DLG2: variants seen among roughly 807,000 people sequenced by gnomAD.
DLG2 encodes the protein disks large homolog 2.
DLG2 carries 45 observed loss-of-function variants against 132.5 expected under a neutral mutation model. The ratio of observed to expected loss-of-function variants is 0.34; its 90% confidence interval spans 0.27 to 0.44. The LOEUF (loss-of-function observed/expected upper bound fraction) is 0.44. Ranked by LOEUF, DLG2 falls within the 20% of genes least tolerant of loss-of-function variation. The pLI, the probability that DLG2 is intolerant of heterozygous loss-of-function variation, is 1.00. For synonymous variants in DLG2, 424 were observed against 419.6 expected (o/e 1.01, Z -0.13); for missense variants, 1,045 against 1,196.9 (o/e 0.87, Z 1.87).
chr11:84,922,054 G>A (rs527723001), intron 6 of DLG2, among the ~76,000 whole-genome samples: 1 of 151,850 alleles, frequency 6.6e-6, no homozygotes, highest in African/African-American at 2.4e-5. Context: ...GCTTACAAAA[G>A]AGTGAGCAGC....
At chr11:84,739,566 C>G (rs145279131) in intron 6 of DLG2, among the ~76,000 whole-genome samples, 2 of 152,068 alleles carry the variant, frequency 1.3e-5, no homozygotes, top group African/African-American at 4.8e-5. Context: ...AAATGGAAAG[C>G]TGCTAGTGAG....
rs73509296 is a variant in DLG2 at position 83,730,659 on chromosome 11, C to T, written c.1825+56031G>A. Among the ~76,000 whole-genome samples the T allele has an allele frequency of 4.8e-3, 731 of 152,256 alleles. 3 individuals carry two copies. The highest frequency in any genetic ancestry group is 0.013 in the African/African-American group (538 of 41,558). ...TACATTAACAAGCTTTACTAAGTAG[C>T]CTTTATCTGCCATTTATTTGGCTTC... On this transcript the variant is annotated intron_variant, in intron 18 of 27. Coordinates refer to ENST00000376104, the MANE Select transcript of DLG2 (RefSeq NM_001142699.3).
At chr11:84,522,243 T>C (rs2099305193) in intron 7 of DLG2, among the ~76,000 whole-genome samples, 1 of 151,062 alleles carries the variant, frequency 6.6e-6, no homozygotes, top group African/African-American at 2.4e-5. Flanking sequence ...GCAGTGAAAC[T>C]AGAAAATCTC....
Position 83,890,870 on chromosome 11 carries a change from C to T in DLG2, c.1497-16382G>A, listed in dbSNP as rs1196635239. ...TAAGAATGGAATCTGCAGGATATGG[C>T]AATTGCATGTGGTGTGTGAGTGAGG... On this transcript the variant is annotated intron_variant, in intron 15 of 27. Coordinates refer to ENST00000376104, the MANE Select transcript of DLG2 (RefSeq NM_001142699.3). Among the ~76,000 whole-genome samples the T allele has an allele frequency of 2.0e-5, 3 of 152,064 alleles. No individual in the cohort carries two copies. The East Asian group carries it at 5.8e-4, about 29-fold the overall frequency.
intron 18 of DLG2, among the ~76,000 whole-genome samples, chr11:83,745,476 C>A (rs988310134): frequency 1.3e-5 from 2 of 152,092 alleles, no homozygotes; most frequent in African/African-American, 4.8e-5. Flanking sequence ...TGTCCTAGCT[C>A]CTTCCCCTCA....
chr11:85,319,865 T>C (rs1565317204), intron 3 of DLG2, among the ~76,000 whole-genome samples: 1 of 151,896 alleles, frequency 6.6e-6, no homozygotes. Context: ...ACACCATAAA[T>C]TTTATTTCTA....
chr11:83,895,992 A>G (rs539570565), intron 15 of DLG2, among the ~76,000 whole-genome samples: 1 of 152,202 alleles, frequency 6.6e-6, no homozygotes, highest in East Asian at 1.9e-4. Flanking sequence ...ACTCACTTTT[A>G]TCAAGACGAA....
chr11:84,265,453 A>G (rs2097608598), intron 7 of DLG2, among the ~76,000 whole-genome samples: 1 of 152,204 alleles, frequency 6.6e-6, no homozygotes, highest in Non-Finnish European at 1.5e-5. Context: ...GGATCCTTCA[A>G]GTAGCTGAAA....
At chr11:85,251,883 T>C (rs557918437) in intron 4 of DLG2, among the ~76,000 whole-genome samples, 11 of 152,210 alleles carry the variant, frequency 7.2e-5, no homozygotes, top group South Asian at 2.1e-4. Flanking sequence ...TAAATAAATA[T>C]TCACTTTTTA....
intron 6 of DLG2, among the ~76,000 whole-genome samples, chr11:84,852,919 G>C (rs1257004661): frequency 6.6e-6 from 1 of 151,964 alleles, no homozygotes; most frequent in Non-Finnish European, 1.5e-5. Context: ...CCTCCACACA[G>C]ACCAAATTTA....
intron 21 of DLG2, among the ~76,000 whole-genome samples, chr11:83,503,225 T>C (rs928722004): frequency 1.3e-5 from 2 of 150,682 alleles, no homozygotes; most frequent in Non-Finnish European, 3.0e-5. Context: ...ATTCACCAAG[T>C]AGAATAGGGA....
chr11:85,331,303 A>AAT (rs1452190988), intron 3 of DLG2, among the ~76,000 whole-genome samples: 3 of 152,182 alleles, frequency 2.0e-5, no homozygotes, highest in Admixed American at 2.0e-4. Flanking sequence ...AAAAAAGTTC[A>AAT]ATATATATAC....
At chr11:84,390,386 G>A (rs186719491) in intron 7 of DLG2, among the ~76,000 whole-genome samples, 1 of 152,116 alleles carries the variant, frequency 6.6e-6, no homozygotes, top group Non-Finnish European at 1.5e-5. Flanking sequence ...GTTGAGTACC[G>A]ACTCCATGCC....
At chr11:83,895,487 G>A (rs2071396157) in intron 15 of DLG2, among the ~76,000 whole-genome samples, 1 of 152,080 alleles carries the variant, frequency 6.6e-6, no homozygotes, top group Non-Finnish European at 1.5e-5. Flanking sequence ...CACAGTAGTG[G>A]AAACATTCAT....
At chr11:83,695,530 G>A (rs897593031) in intron 18 of DLG2, among the ~76,000 whole-genome samples, 2 of 152,104 alleles carry the variant, frequency 1.3e-5, no homozygotes, top group Admixed American at 6.6e-5. Flanking sequence ...ATCACCTGAC[G>A]TCAGGAGCTC....
At chr11:83,467,842 CATATATAT>C (rs72288955) in intron 25 of DLG2, among the ~76,000 whole-genome samples, 7,614 of 117,672 alleles carry the variant, frequency 0.065, 725 homozygotes, top group African/African-American at 0.21. Context: ...ATAATTAAAA[CATATATAT>C]ATATATATAT....
At chr11:83,484,272 ATTG>A (rs1444741047) in intron 21 of DLG2, 44 bp from the exon 22 acceptor site, 2 of 1,396,932 alleles carry the variant, frequency 1.4e-6, no homozygotes, top group East Asian at 2.3e-5. Context: ...GGGACGTCTA[ATTG>A]TTGTCACACT....
intron 6 of DLG2, among the ~76,000 whole-genome samples, chr11:85,099,585 G>T (rs2070514023): frequency 1.3e-5 from 2 of 152,146 alleles, no homozygotes; most frequent in African/African-American, 4.8e-5. Context: ...ATTAAATTGT[G>T]TGAAGTACCC....
intron 8 of DLG2, among the ~76,000 whole-genome samples, chr11:84,182,447 C>A (rs552234443): frequency 6.6e-6 from 1 of 150,980 alleles, no homozygotes; most frequent in Non-Finnish European, 1.5e-5. Flanking sequence ...AGGAGGATCA[C>A]GTGCCCAGGA....
Sources: allele counts gnomAD v4.1 joint callset (sites outside exome capture counted in the v4.1 genomes callset), GRCh38; gene constraint gnomAD v4.1.1; transcripts MANE v1.5; gene names NCBI Gene and HGNC (gene_info 2026-07-23, HGNC 2026-07-21).